PYY: variants seen among roughly 807,000 people sequenced by gnomAD.
PYY encodes peptide YY.
Under a neutral mutation model 10.3 loss-of-function variants are expected in PYY, and 12 were observed. The observed-to-expected ratio is 1.17, with a 90% CI of 0.75 to 1.89. The LOEUF (loss-of-function observed/expected upper bound fraction) is 1.89. PYY is among the 40% of genes most tolerant of loss of function. The pLI is 0.00. For synonymous variants in PYY, 66 were observed against 62.0 expected (o/e 1.06, Z -0.30); for missense variants, 141 against 134.0 (o/e 1.05, Z -0.26).
upstream of PYY, among the ~76,000 whole-genome samples, chr17:43,956,186 T>A (rs1327925017): frequency 1.3e-5 from 2 of 151,920 alleles, no homozygotes; most frequent in Non-Finnish European, 2.9e-5. Context: ...AGAAGTCACT[T>A]CCTCATTTAT....
intron 1 of PYY, among the ~76,000 whole-genome samples, chr17:43,986,482 G>A (rs1470434601): frequency 6.6e-6 from 1 of 152,158 alleles, no homozygotes; most frequent in Non-Finnish European, 1.5e-5. Flanking sequence ...AGGTTCTGTA[G>A]CCTTGCAGCT....
At chr17:44,004,379 C>A in intron 1 of PYY, 1 of 320,740 alleles carries the variant, frequency 3.1e-6, no homozygotes, top group East Asian at 5.0e-5. Context: ...CAAAGCCGCC[C>A]CTGGAACCTA....
intron 2 of PYY, among the ~76,000 whole-genome samples, chr17:43,963,600 AAGAAAGAAAGAAAGAAAGAAAGAAAGAG>A (rs1252934003): frequency 3.7e-4 from 32 of 85,938 alleles, no homozygotes; most frequent in Non-Finnish European, 7.1e-4. Flanking sequence ...GAAAGAAAGA[AAGAAAGAAAGAAAGAAAGAAAGAAAGAG>A]AAAGAAAGAA....
At chr17:43,956,458 A>G (rs1000456945), upstream of PYY, among the ~76,000 whole-genome samples, 2 of 152,016 alleles carry the variant, frequency 1.3e-5, no homozygotes, top group African/African-American at 4.8e-5. Context: ...TTGCTGCATG[A>G]CTCAGTGGCC....
chr17:43,953,237 A>G (rs933373427), intron 2 of PYY, 48 bp from the exon 3 acceptor site: 7 of 1,599,570 alleles, frequency 4.4e-6, no homozygotes, highest in Admixed American at 3.4e-5. Flanking sequence ...CCACGCCCCC[A>G]GGTGGAGCGG....
intron 1 of PYY, among the ~76,000 whole-genome samples, chr17:43,980,934 A>T (rs2048880034): frequency 6.6e-6 from 1 of 151,908 alleles, no homozygotes; most frequent in Non-Finnish European, 1.5e-5. Flanking sequence ...ATTTACAGGC[A>T]TTTGGATAGT....
At chr17:43,996,764 T>C (rs1346360193) in intron 1 of PYY, among the ~76,000 whole-genome samples, 2 of 152,184 alleles carry the variant, frequency 1.3e-5, no homozygotes, top group Non-Finnish European at 2.9e-5. Context: ...CTCAGCTCAC[T>C]GCAACCCCCA....
At position 44,001,200 on chromosome 17, in the gene PYY, C is replaced by A. The variant is rs114380258; in HGVS notation, c.-463+3191G>T. Among the ~76,000 whole-genome samples, 220 of 152,202 alleles carry A rather than the reference C, an allele frequency of 1.4e-3. 2 individuals carry two copies. The highest frequency in any genetic ancestry group is 5.2e-3 in the African/African-American group (214 of 41,514). On this transcript the variant is annotated intron_variant, in intron 1 of 6. Coordinates refer to the PYY transcript ENST00000360085. Reference sequence around the variant, plus strand: ...ATTCATGCCCTGCTGGGCTGAGATGCGGCCAAGAAGGGCTGTATTGGGAGG... The same window carrying A: ...ATTCATGCCCTGCTGGGCTGAGATGAGGCCAAGAAGGGCTGTATTGGGAGG...
At position 43,960,406 on chromosome 17, in the gene PYY, G is replaced by A. The variant is rs145944856; in HGVS notation, c.-217-2378C>T. Reference sequence around the variant, plus strand: ...AAAAATGCAAAAATTAGCCAGGCATGGTGGCAGGTGCCTGTAATCCCAGCT... The same window carrying A: ...AAAAATGCAAAAATTAGCCAGGCATAGTGGCAGGTGCCTGTAATCCCAGCT... On this transcript the variant is annotated intron_variant, in intron 2 of 6. Coordinates refer to the PYY transcript ENST00000360085. 7.3e-5 allele frequency among the ~76,000 whole-genome samples: 11 copies of A among 151,022 alleles called. No individual in the cohort carries two copies. In the East Asian group the frequency reaches 2.2e-3, roughly 30 times the overall value.
rs141144435 is a variant in PYY, at chr17:43,953,131, C to T, written c.247G>A (p.Glu83Lys). ...TACCGCGACCTGACGGGGCGGTCCTCGCCGTCGGGGAAGAACGTTTTGGAA... is the reference window on the plus strand; with the variant it reads ...TACCGCGACCTGACGGGGCGGTCCTTGCCGTCGGGGAAGAACGTTTTGGAA... The part of the protein sequence containing the change: ...LLSKTFFPDG[E>K]DRPVRSRSEG... The change falls in exon 3 of 4, where the codon GAG (glutamate) becomes AAG (lysine). Residue 83 changes from glutamate to lysine, a missense_variant. Glu to Lys is a moderately conservative substitution (Grantham distance 56). Transcript: ENST00000692052. The T allele has an allele frequency of 3.5e-5, 56 of 1,613,904 alleles. No individual in the cohort carries two copies. The highest frequency in any genetic ancestry group is 1.6e-4 in the Middle Eastern group (1 of 6,080).
intron 1 of PYY, among the ~76,000 whole-genome samples, chr17:43,981,730 C>T (rs1460810476): frequency 2.0e-5 from 3 of 152,208 alleles, no homozygotes; most frequent in East Asian, 1.9e-4. Flanking sequence ...CCTCGTGATC[C>T]GCCCACCTCG....
upstream of PYY, among the ~76,000 whole-genome samples, chr17:43,955,730 C>A (rs187851570): frequency 6.6e-6 from 1 of 152,124 alleles, no homozygotes; most frequent in African/African-American, 2.4e-5. Flanking sequence ...AGAACAGATA[C>A]AGAGAGACAG....
chr17:43,965,858 G>T (rs899108402), intron 2 of PYY, among the ~76,000 whole-genome samples: 34 of 132,526 alleles, frequency 2.6e-4, no homozygotes, highest in Non-Finnish European at 3.5e-4. Flanking sequence ...TCTAGCCATT[G>T]TAAGTACAAA....
chr17:43,958,716 C>T (rs1485113384), upstream of PYY, among the ~76,000 whole-genome samples: 1 of 152,190 alleles, frequency 6.6e-6, no homozygotes, highest in Non-Finnish European at 1.5e-5. Context: ...TGTACAAAAA[C>T]AGGCCCACAG....
intron 2 of PYY, among the ~76,000 whole-genome samples, chr17:43,964,637 C>A (rs1326218914): frequency 1.3e-5 from 2 of 152,138 alleles, no homozygotes; most frequent in African/African-American, 4.8e-5. Context: ...GTAATCCCAG[C>A]TACTTGAGAG....
chr17:43,953,327 G>A lies in PYY; in HGVS notation c.157C>T (p.Arg53Cys). 6.2e-7 allele frequency: 1 copy of A among 1,612,696 alleles called. No individual in the cohort carries two copies. The highest frequency in any genetic ancestry group is 1.1e-5 in the South Asian group (1 of 90,964). ...CGGGTGACCAGGTTGAGGTAGTGGC[G>A]CAGGGAGGCGTAGTAGCGGTTCAGC... ...EELNRYYASL[R>C]HYLNLVTRQR... Residue 53 changes from arginine to cysteine, a missense_variant, in exon 2 of 4, where the codon CGC (arginine) becomes TGC (cysteine). Transcript: ENST00000692052.
intron 1 of PYY, among the ~76,000 whole-genome samples, chr17:44,000,516 G>C (rs1010980439): frequency 4.0e-5 from 6 of 150,412 alleles, no homozygotes; most frequent in Admixed American, 3.3e-4. Context: ...ATGTCCATGT[G>C]TTCCTATATG....
chr17:43,953,319 G>C lies in PYY; in HGVS notation c.165C>G (p.Tyr55Ter). The change falls in exon 2 of 4, where the codon TAC (tyrosine) becomes TAG (stop). Residue 55 changes from tyrosine to a stop codon, truncating the protein, a stop_gained. Coordinates refer to ENST00000692052, the MANE Select transcript of PYY (RefSeq NM_001394028.1). LOFTEE classifies it high-confidence loss of function. ...ACCGCTGCCGGGTGACCAGGTTGAG[G>C]TAGTGGCGCAGGGAGGCGTAGTAGC... ...LNRYYASLRH[Y>*]LNLVTRQRYG... The C allele has an allele frequency of 6.2e-7, 1 of 1,612,918 alleles. No individual in the cohort carries two copies. Among genetic ancestry groups the C allele is most frequent in the Non-Finnish European group, 8.5e-7 (1 of 1,179,582 alleles).
intron 1 of PYY, among the ~76,000 whole-genome samples, chr17:43,981,009 G>A (rs2048880355): frequency 6.6e-6 from 1 of 151,678 alleles, no homozygotes; most frequent in African/African-American, 2.4e-5. Context: ...TTGCCCATCT[G>A]AGACAGCAGA....
Sources: allele counts gnomAD v4.1 joint callset (sites outside exome capture counted in the v4.1 genomes callset), GRCh38; gene constraint gnomAD v4.1.1; transcripts MANE v1.5; gene names NCBI Gene and HGNC (gene_info 2026-07-23, HGNC 2026-07-21).